Variants in LSAMP observed in about 807,000 individuals in gnomAD.
LSAMP encodes the protein limbic system-associated membrane protein.
Under a neutral mutation model 38.6 loss-of-function variants are expected in LSAMP, and 7 were observed. The ratio of observed to expected loss-of-function variants is 0.18; its 90% CI spans 0.10 to 0.34. The LOEUF is 0.34. Among genes scored for constraint, LSAMP ranks in the 10% least tolerant of loss-of-function variants. The pLI, the probability that LSAMP is intolerant of heterozygous loss-of-function variation, is 1.00. For synonymous variants in LSAMP, 154 were observed against 166.8 expected, an observed-to-expected ratio of 0.92 and a Z score of 0.59; for missense variants, 313 against 420.0, an observed-to-expected ratio of 0.75 and a Z score of 2.23.
rs1933657870 is a variant in LSAMP at position 115,807,534 on chromosome 3, A to G, written c.*2783T>C. 6.6e-6 allele frequency: 1 copy of G among 152,164 alleles called. No homozygotes were observed. Among genetic ancestry groups the G allele is most frequent in the Admixed American group, 6.5e-5 (1 of 15,278 alleles). 9.4% of individuals were successfully genotyped at this position (152,164 alleles called of 1,614,324 possible). ...ACCTTGTCCTCATGATAAAGTGGAG[A>G]CAATAAGAAAGCCAGGTATATAATT... On this transcript the variant is annotated 3_prime_UTR_variant, in exon 7 of 7. Coordinates refer to ENST00000490035, the MANE Select transcript of LSAMP (RefSeq NM_002338.5).
rs949307680 is a variant in LSAMP at position 115,802,969 on chromosome 3, G to A, written c.*7348C>T. 1 of 152,138 alleles carries A rather than the reference G, an allele frequency of 6.6e-6. No homozygotes were observed. Among genetic ancestry groups the A allele is most frequent in the Admixed American group, 6.5e-5 (1 of 15,276 alleles). 9.4% of individuals were successfully genotyped at this position (152,138 alleles called of 1,614,324 possible). A position where few individuals can be genotyped will look rare whatever the true frequency, so the allele number is the denominator to read the frequency against. ...CAGGATGAACAATTTCCATTCTCTG[G>A]TGAAGAGCAAAGACTTAGGGAAGTG... On this transcript the variant is annotated 3_prime_UTR_variant, in exon 7 of 7. Coordinates refer to ENST00000490035, the MANE Select transcript of LSAMP (RefSeq NM_002338.5).
At chr3:116,133,262 G>T (rs750052760) in intron 1 of LSAMP, among the ~76,000 whole-genome samples, 27 of 150,422 alleles carry the variant, frequency 1.8e-4, no homozygotes, top group Admixed American at 4.0e-4. Flanking sequence ...TTTTTTTTTT[G>T]TTGTTGTTGT....
chr3:115,958,320 A>G (rs557294619), intron 3 of LSAMP, among the ~76,000 whole-genome samples: 4 of 152,304 alleles, frequency 2.6e-5, no homozygotes, highest in East Asian at 3.9e-4. Flanking sequence ...TTCCAAATAT[A>G]TGCTTAATTT....
At chr3:115,818,790 T>TTATTTATATATATATATATATATATA (rs1934118473) in intron 6 of LSAMP, among the ~76,000 whole-genome samples, 2 of 69,786 alleles carry the variant, frequency 2.9e-5, no homozygotes, top group Admixed American at 1.6e-4. Context: ...AGTTGTACTT[T>TTATTTATATATATATATATATATATA]TATATATATA....
intron 1 of LSAMP, among the ~76,000 whole-genome samples, chr3:116,275,147 C>T (rs536882741): frequency 5.1e-4 from 77 of 152,164 alleles, no homozygotes; most frequent in African/African-American, 1.8e-3. Context: ...TGAATTCACA[C>T]ACACAAGTGA....
At chr3:116,307,713 C>T (rs1489843401) in intron 1 of LSAMP, among the ~76,000 whole-genome samples, 3 of 151,794 alleles carry the variant, frequency 2.0e-5, no homozygotes, top group Admixed American at 6.6e-5. Flanking sequence ...GGTTTCTGTA[C>T]CATTAAAATA....
chr3:116,206,853 T>C (rs1222074233), intron 1 of LSAMP, among the ~76,000 whole-genome samples: 2 of 151,392 alleles, frequency 1.3e-5, no homozygotes, highest in Non-Finnish European at 2.9e-5. Context: ...ATAGGTGTGC[T>C]GTGGTGCTGA....
intron 1 of LSAMP, among the ~76,000 whole-genome samples, chr3:116,214,612 T>G (rs1340744342): frequency 1.3e-5 from 2 of 148,640 alleles, no homozygotes; most frequent in East Asian, 4.2e-4. Flanking sequence ...CAAGCAATTC[T>G]CCACCTCAGC....
Position 115,839,214 on chromosome 3 carries a change from T to TTCCC in LSAMP, c.919+2627_919+2630dup, listed in dbSNP as rs149617645. On this transcript the variant is annotated intron_variant, in intron 6 of 6. Transcript: ENST00000490035. Reference sequence around the variant, plus strand: ...ACGTGTACTGTTATCTTTTCCCTCCTTCCCTCCCTCCCTCCCTTCCTTCTT... The same window carrying TTCCC: ...ACGTGTACTGTTATCTTTTCCCTCCTTCCCTCCCTCCCTCCCTCCCTTCCTTCTT... Among the ~76,000 whole-genome samples, 7 of 149,206 alleles carry TTCCC rather than the reference T, an allele frequency of 4.7e-5. No individual in the cohort carries two copies. In the East Asian group the frequency reaches 5.9e-4, roughly 12 times the overall value.
chr3:115,877,285 C>G (rs1936206462), intron 3 of LSAMP, among the ~76,000 whole-genome samples: 1 of 151,920 alleles, frequency 6.6e-6, no homozygotes, highest in African/African-American at 2.4e-5. Flanking sequence ...CCTCCTTCCT[C>G]CCTCCCACCC....
intron 6 of LSAMP, among the ~76,000 whole-genome samples, chr3:115,839,288 T>C (rs1934914940): frequency 7.6e-6 from 1 of 131,270 alleles, no homozygotes. Context: ...CTTCCTTCCT[T>C]CCTTCCTTCC....
At chr3:116,050,654 T>C (rs1941379959) in intron 2 of LSAMP, among the ~76,000 whole-genome samples, 2 of 152,214 alleles carry the variant, frequency 1.3e-5, no homozygotes, top group Admixed American at 1.3e-4. Context: ...TGGCTTACAT[T>C]CACCCACTAA....
At chr3:116,275,867 G>T (rs1054712220) in intron 1 of LSAMP, among the ~76,000 whole-genome samples, 3 of 152,150 alleles carry the variant, frequency 2.0e-5, no homozygotes, top group African/African-American at 7.2e-5. Flanking sequence ...GTAAGTGATA[G>T]AATCATTCTA....
At position 116,407,469 on chromosome 3, in the gene LSAMP, C is replaced by G. The variant is rs577510414; in HGVS notation, c.155+37408G>C. ...TTAAGGAACCCCTATGCCATTCCCCCCTATACCCACCAGTAAGGATACAGC... is the reference window on the plus strand; with the variant it reads ...TTAAGGAACCCCTATGCCATTCCCCGCTATACCCACCAGTAAGGATACAGC... On this transcript the variant is annotated intron_variant, in intron 1 of 6. Transcript: ENST00000490035. Among the ~76,000 whole-genome samples the G allele has an allele frequency of 3.3e-5, 5 of 152,148 alleles. No homozygotes were observed. The South Asian group carries it at 8.3e-4, about 25-fold the overall frequency.
chr3:116,151,041 C>T (rs1709598570), intron 1 of LSAMP, among the ~76,000 whole-genome samples: 1 of 151,920 alleles, frequency 6.6e-6, no homozygotes, highest in Non-Finnish European at 1.5e-5. Context: ...ATAGCCACTC[C>T]CTGTTTTCCA....
At chr3:115,993,865 A>C (rs1178264411) in intron 3 of LSAMP, among the ~76,000 whole-genome samples, 1 of 152,056 alleles carries the variant, frequency 6.6e-6, no homozygotes, top group African/African-American at 2.4e-5. Context: ...GATTTATCTC[A>C]GCAAACACTT....
chr3:116,085,050 A>G (rs1440301734), intron 2 of LSAMP, among the ~76,000 whole-genome samples: 5 of 152,098 alleles, frequency 3.3e-5, no homozygotes, highest in East Asian at 1.9e-4. Context: ...ACATATTTCT[A>G]GTTATGTTTA....
At chr3:116,327,929 C>A (rs2047795736) in intron 1 of LSAMP, among the ~76,000 whole-genome samples, 1 of 152,096 alleles carries the variant, frequency 6.6e-6, no homozygotes, top group African/African-American at 2.4e-5. Context: ...GTCAGGACTC[C>A]TGATGGATGA....
chr3:115,922,310 C>A (rs369939788), intron 3 of LSAMP, among the ~76,000 whole-genome samples: 1 of 151,990 alleles, frequency 6.6e-6, no homozygotes, highest in African/African-American at 2.4e-5. Flanking sequence ...TTCAAATAAC[C>A]TGTCTTTGAG....
Sources: allele counts gnomAD v4.1 joint callset (sites outside exome capture counted in the v4.1 genomes callset), GRCh38; gene constraint gnomAD v4.1.1; transcripts MANE v1.5; gene names NCBI Gene and HGNC (gene_info 2026-07-23, HGNC 2026-07-21).